The following UBASH3B variants were observed in gnomAD, a reference collection of about 807,000 sequenced individuals.
UBASH3B encodes ubiquitin associated and SH3 domain containing B.
A neutral mutation model predicts 83.4 loss-of-function variants in UBASH3B; 37 were observed. The ratio of observed to expected loss-of-function variants is 0.44; its 90% CI spans 0.34 to 0.58. UBASH3B has a LOEUF of 0.58. Ranked by LOEUF, UBASH3B falls within the 20% of genes least tolerant of loss-of-function variation. The pLI, the probability that UBASH3B is intolerant of heterozygous loss-of-function variation, is 0.01. For synonymous variants in UBASH3B, 304 were observed against 318.3 expected, an observed-to-expected ratio of 0.96 and a Z score of 0.48; for missense variants, 657 against 827.2, an observed-to-expected ratio of 0.79 and a Z score of 2.52.
At chr11:122,707,853 C>T (rs1160511387) in intron 1 of UBASH3B, among the ~76,000 whole-genome samples, 5 of 152,042 alleles carry the variant, frequency 3.3e-5, no homozygotes, top group Admixed American at 1.3e-4. Context: ...CGCCACCACA[C>T]CCAGCTAATT....
intron 1 of UBASH3B, among the ~76,000 whole-genome samples, chr11:122,666,196 T>C (rs1863515468): frequency 6.6e-6 from 1 of 152,214 alleles, no homozygotes; most frequent in African/African-American, 2.4e-5. Context: ...AGCAGGATTG[T>C]TTAGAATCCT....
In UBASH3B at chr11:122,798,025, C is replaced by G. The variant is rs1358328591; in HGVS notation, c.1358-917C>G. 3.3e-5 allele frequency among the ~76,000 whole-genome samples: 5 copies of G among 152,118 alleles called. No homozygotes were observed. The East Asian group carries it at 5.8e-4, about 18-fold the overall frequency. The stretch of plus-strand genomic sequence containing the variant: ...CCAGGCCAGGCGTGATGGCTCTCAC[C>G]TATAATCTAGCACTTTGAGAGGCTG... On this transcript the variant is annotated intron_variant, in intron 9 of 13. Transcript: ENST00000284273.
intron 1 of UBASH3B, among the ~76,000 whole-genome samples, chr11:122,731,051 TC>T (rs1476977242): frequency 1.3e-5 from 2 of 152,184 alleles, no homozygotes; most frequent in Non-Finnish European, 2.9e-5. Flanking sequence ...CAGTGGCCCC[TC>T]CTTATCCTTG....
intron 13 of UBASH3B, among the ~76,000 whole-genome samples, chr11:122,809,008 A>T (rs192036960): frequency 6.6e-6 from 1 of 151,062 alleles, no homozygotes; most frequent in East Asian, 1.9e-4. Context: ...AATTTTTTCA[A>T]ATTGAAAAAT....
chr11:122,712,732 T>C (rs185548433), intron 1 of UBASH3B, among the ~76,000 whole-genome samples: 1 of 151,918 alleles, frequency 6.6e-6, no homozygotes, highest in African/African-American at 2.4e-5. Context: ...CGCCCTGAAG[T>C]ATATAGAACT....
intron 8 of UBASH3B, 80 bp from the exon 9 acceptor site, chr11:122,796,831 G>A (rs1452911505): frequency 6.9e-6 from 11 of 1,594,630 alleles, no homozygotes; most frequent in Non-Finnish European, 9.4e-6. Context: ...GAATGGGGGT[G>A]GAGAGTGTCA....
intron 1 of UBASH3B, among the ~76,000 whole-genome samples, chr11:122,767,136 G>A (rs1860555831): frequency 6.6e-6 from 1 of 151,934 alleles, no homozygotes; most frequent in African/African-American, 2.4e-5. Context: ...AAATTAGCTG[G>A]GCATAGTGGC....
At chr11:122,662,256 C>T (rs1863454464) in intron 1 of UBASH3B, among the ~76,000 whole-genome samples, 1 of 151,952 alleles carries the variant, frequency 6.6e-6, no homozygotes, top group Admixed American at 6.6e-5. Context: ...AACTCATGTA[C>T]AATCAGCTAA....
chr11:122,777,262 C>T lies in UBASH3B; in HGVS notation c.402+52C>T, dbSNP rs145350353. On this transcript the variant is annotated intron_variant, in intron 3 of 13. Coordinates refer to ENST00000284273, the MANE Select transcript of UBASH3B (RefSeq NM_032873.5). ...GAAGCCTGGCTCCTAGGATCCCAGCCGGCCCTTTGGGACCTGGAGCAAAGG... is the reference window on the plus strand; with the variant it reads ...GAAGCCTGGCTCCTAGGATCCCAGCTGGCCCTTTGGGACCTGGAGCAAAGG... The T allele has an allele frequency of 6.1e-5, 95 of 1,549,960 alleles. No homozygotes were observed. The African/African-American group carries it at 7.7e-4, about 13-fold the overall frequency.
In UBASH3B at chr11:122,661,016, TA is replaced by T; in HGVS notation, c.161+4808del. Among the ~76,000 whole-genome samples the T allele has an allele frequency of 2.0e-5, 3 of 152,154 alleles. 1 individual carries two copies. The Middle Eastern group carries it at 0.01, about 518-fold the overall frequency. ...GGGCCTTTCCAAAGACAAAATGAGA[TA>T]ACAGACAGAAAAGAACTTGGGAAAG... On this transcript the variant is annotated intron_variant, in intron 1 of 13. Coordinates refer to ENST00000284273, the MANE Select transcript of UBASH3B (RefSeq NM_032873.5).
At chr11:122,756,095 C>T (rs1192949988) in intron 1 of UBASH3B, among the ~76,000 whole-genome samples, 2 of 152,190 alleles carry the variant, frequency 1.3e-5, no homozygotes, top group African/African-American at 4.8e-5. Context: ...GTTGGCCTAA[C>T]AGGAATCAAG....
intron 5 of UBASH3B, among the ~76,000 whole-genome samples, chr11:122,788,709 A>G (rs1049799348): frequency 6.6e-6 from 1 of 152,130 alleles, no homozygotes; most frequent in African/African-American, 2.4e-5. Context: ...GCTTTCCATG[A>G]GCTGGGTTTC....
chr11:122,797,999 T>C (rs991009810), intron 9 of UBASH3B, among the ~76,000 whole-genome samples: 2 of 152,242 alleles, frequency 1.3e-5, no homozygotes, highest in Admixed American at 6.5e-5. Flanking sequence ...ATAACTGGAT[T>C]CCAGGCCAGG....
chr11:122,704,833 C>T (rs1011251469), intron 1 of UBASH3B, among the ~76,000 whole-genome samples: 1 of 151,816 alleles, frequency 6.6e-6, no homozygotes, highest in Non-Finnish European at 1.5e-5. Context: ...TAATAGAAAA[C>T]TTTATTATGA....
chr11:122,755,055 G>A, intron 1 of UBASH3B, among the ~76,000 whole-genome samples: 1 of 152,154 alleles, frequency 6.6e-6, no homozygotes, highest in Admixed American at 6.5e-5. Context: ...AGAAGCCATT[G>A]TTCTCTCTAA....
intron 1 of UBASH3B, among the ~76,000 whole-genome samples, chr11:122,734,401 G>A (rs889543232): frequency 9.2e-5 from 14 of 152,122 alleles, no homozygotes; most frequent in African/African-American, 2.7e-4. Context: ...AGAGGCTCAA[G>A]GTCTGAAGCC....
intron 6 of UBASH3B, 130 bp downstream of exon 6, chr11:122,789,438 A>T (rs1246014585): frequency 9.6e-7 from 1 of 1,042,608 alleles, no homozygotes; most frequent in African/African-American, 1.6e-5. Context: ...ATTCCAGGAA[A>T]GGAGCTGATT....
chr11:122,754,011 C>G (rs1382791750), intron 1 of UBASH3B, among the ~76,000 whole-genome samples: 1 of 146,274 alleles, frequency 6.8e-6, no homozygotes, highest in Non-Finnish European at 1.6e-5. Context: ...TATCTGCACT[C>G]TCTGACATGG....
At chr11:122,692,632 T>C (rs1308625139) in intron 1 of UBASH3B, among the ~76,000 whole-genome samples, 1 of 152,190 alleles carries the variant, frequency 6.6e-6, no homozygotes, top group African/African-American at 2.4e-5. Flanking sequence ...GAGGGCACGC[T>C]GGTCAAAGAC....
Sources: allele counts gnomAD v4.1 joint callset (sites outside exome capture counted in the v4.1 genomes callset), GRCh38; gene constraint gnomAD v4.1.1; transcripts MANE v1.5; gene names NCBI Gene and HGNC (gene_info 2026-07-23, HGNC 2026-07-21).